The following TSC22D3 variants were observed in gnomAD, a reference collection of about 807,000 sequenced individuals.
The protein encoded by TSC22D3 is TSC22 domain family member 3.
Under a neutral mutation model 11.1 loss-of-function variants are expected in TSC22D3, and 4 were observed. The ratio of observed to expected loss-of-function variants is 0.36; its 90% confidence interval spans 0.18 to 0.83. The LOEUF (loss-of-function observed/expected upper bound fraction) is 0.83. Ranked by LOEUF, TSC22D3 falls within the 40% of genes least tolerant of loss-of-function variation. The pLI, the probability that TSC22D3 is intolerant of heterozygous loss-of-function variation, is 0.48. For missense variants in TSC22D3, 118 were observed against 159.4 expected, an observed-to-expected ratio of 0.74 and a Z score of 1.40; for synonymous variants, 77 against 70.3, an observed-to-expected ratio of 1.10 and a Z score of -0.48.
At chrX:107,757,646 C>G (rs975022287) in intron 1 of TSC22D3, among the ~76,000 whole-genome samples, 6 of 110,414 alleles carry the variant, frequency 5.4e-5, no homozygotes, top group African/African-American at 2.0e-4. Context: ...CACTCTCCCC[C>G]TCCCCTTCCC....
rs1404177826 is a variant in TSC22D3, at chrX:107,713,352, C to T, written c.*1167G>A. 1.8e-5 allele frequency: 2 copies of T among 112,288 alleles called. No homozygotes were observed. Among genetic ancestry groups the T allele is most frequent in the African/African-American group, 3.2e-5 (1 of 30,849 alleles). The allele number at this position is 112,288 out of a possible 1,213,427, so 9.3% of individuals were successfully genotyped here. ...GGAAAGTGTTCACTCTCACAAAACCCGCTACAGACAAGCTTTCTGGGCACA... is the reference window on the plus strand; with the variant it reads ...GGAAAGTGTTCACTCTCACAAAACCTGCTACAGACAAGCTTTCTGGGCACA... On this transcript the variant is annotated 3_prime_UTR_variant, in exon 3 of 3. Transcript: ENST00000372383.
intron 1 of TSC22D3, among the ~76,000 whole-genome samples, chrX:107,765,353 C>T (rs1929611466): frequency 8.9e-6 from 1 of 112,073 alleles, no homozygotes; most frequent in Admixed American, 9.4e-5. Flanking sequence ...GGCCTGAGGT[C>T]ACGCCAGTGC....
chrX:107,730,746 C>T (rs986714961), intron 1 of TSC22D3, among the ~76,000 whole-genome samples: 3 of 112,435 alleles, frequency 2.7e-5, no homozygotes, highest in Non-Finnish European at 5.6e-5. Context: ...TCACCAATCA[C>T]GGTCTGTGCA....
chrX:107,767,815 C>A (rs775099710), intron 1 of TSC22D3, among the ~76,000 whole-genome samples: 1 of 112,143 alleles, frequency 8.9e-6, no homozygotes, highest in Non-Finnish European at 1.9e-5. Context: ...ATGCCCTAAC[C>A]CTTGTCCCAT....
At chrX:107,755,025 G>T (rs754287636) in intron 1 of TSC22D3, among the ~76,000 whole-genome samples, 27 of 111,870 alleles carry the variant, frequency 2.4e-4, no homozygotes, top group Non-Finnish European at 4.7e-4. Context: ...AAGGGCAAAG[G>T]TTTTCATGCC....
At chrX:107,741,459 C>A (rs1320300480) in intron 1 of TSC22D3, among the ~76,000 whole-genome samples, 1 of 112,859 alleles carries the variant, frequency 8.9e-6, no homozygotes, top group Non-Finnish European at 1.9e-5. Context: ...AGAAATGAAT[C>A]CAAGTCATTA....
intron 1 of TSC22D3, among the ~76,000 whole-genome samples, chrX:107,740,119 G>A (rs986878832): frequency 4.5e-5 from 5 of 112,180 alleles, no homozygotes; most frequent in African/African-American, 1.6e-4. Flanking sequence ...GGCTCAGAGA[G>A]GCAAAGTAAC....
chrX:107,758,129 G>A lies in TSC22D3; in HGVS notation c.320+16971C>T, dbSNP rs187274316. ...AGCCAAGAAGAAGGAGGGCTAGCAG[G>A]GAGGGAGGAGACTGTGCAGTAGTGA... On this transcript the variant is annotated intron_variant, in intron 1 of 2. Coordinates refer to ENST00000372383, the MANE Select transcript of TSC22D3 (RefSeq NM_198057.3). Among the ~76,000 whole-genome samples the A allele has an allele frequency of 2.7e-5, 3 of 110,468 alleles. No individual in the cohort carries two copies. The East Asian group carries it at 8.6e-4, about 32-fold the overall frequency.
At chrX:107,741,709 G>A (rs1382061295) in intron 1 of TSC22D3, among the ~76,000 whole-genome samples, 5 of 111,887 alleles carry the variant, frequency 4.5e-5, no homozygotes, top group African/African-American at 6.5e-5. Flanking sequence ...TTGCAAGAAC[G>A]GCCTCCTCCA....
At chrX:107,720,016 G>A (rs774964894) in intron 1 of TSC22D3, among the ~76,000 whole-genome samples, 17 of 111,233 alleles carry the variant, frequency 1.5e-4, no homozygotes, top group Non-Finnish European at 2.6e-4. Context: ...GAACGTGTAG[G>A]AGAGTGTACA....
In TSC22D3 at chrX:107,714,536, C is replaced by G; in HGVS notation, c.586G>C (p.Gly196Arg). 1 of 1,211,425 alleles carries G rather than the reference C, an allele frequency of 8.3e-7. No homozygotes were observed. The highest frequency in any genetic ancestry group is 1.1e-6 in the Non-Finnish European group (1 of 895,136). ...PESPQVPEAP[G>R]GSAV ...AGAGCCACTTACACCGCAGAACCACCAGGGGCCTCGGGCACTTGTGGGGAT... is the reference window on the plus strand; with the variant it reads ...AGAGCCACTTACACCGCAGAACCACGAGGGGCCTCGGGCACTTGTGGGGAT... Residue 196 changes from glycine to arginine, a missense_variant, in exon 3 of 3, where the codon GGT (glycine) becomes CGT (arginine). Physicochemically the swap from Gly to Arg is moderately radical, Grantham distance 125 (BLOSUM62 -2). Transcript: ENST00000372383.
chrX:107,723,577 A>T (rs920413508), intron 1 of TSC22D3, among the ~76,000 whole-genome samples: 2 of 112,480 alleles, frequency 1.8e-5, no homozygotes, highest in African/African-American at 6.5e-5. Context: ...AGTGTCCTGC[A>T]GCCTTCCCAG....
chrX:107,756,188 AGTTACTTGTCTACC>A (rs1187055561), intron 1 of TSC22D3, among the ~76,000 whole-genome samples: 1 of 111,983 alleles, frequency 8.9e-6, no homozygotes, highest in African/African-American at 3.3e-5. Flanking sequence ...TCTTGACTCC[AGTTACTTGTCTACC>A]GTTACTTGTC....
chrX:107,725,336 G>C (rs748064993), intron 1 of TSC22D3, among the ~76,000 whole-genome samples: 1 of 112,486 alleles, frequency 8.9e-6, no homozygotes, highest in South Asian at 3.7e-4. Flanking sequence ...GGGCCTAAGG[G>C]AGATTGTGGA....
rs182347706 is a variant in TSC22D3 at position 107,764,553 on chromosome X, C to T, written c.320+10547G>A. Reference sequence around the variant, plus strand: ...AGGCTTCTTACCTTTCTCAACCTTACCCTGAGGCTTTCATTTATAGGGTAT... The same window carrying T: ...AGGCTTCTTACCTTTCTCAACCTTATCCTGAGGCTTTCATTTATAGGGTAT... On this transcript the variant is annotated intron_variant, in intron 1 of 2. Coordinates refer to ENST00000372383, the MANE Select transcript of TSC22D3 (RefSeq NM_198057.3). Among the ~76,000 whole-genome samples the T allele has an allele frequency of 3.7e-3, 419 of 111,912 alleles. 3 individuals carry two copies. Among genetic ancestry groups the T allele is most frequent in the African/African-American group, 0.013 (400 of 30,772 alleles).
intron 1 of TSC22D3, among the ~76,000 whole-genome samples, chrX:107,771,096 A>G (rs1407241384): frequency 1.8e-5 from 2 of 112,039 alleles, no homozygotes; most frequent in African/African-American, 6.5e-5. Context: ...CTGAGCTCAC[A>G]TTTACCTCTG....
intron 1 of TSC22D3, among the ~76,000 whole-genome samples, chrX:107,758,399 G>T (rs142183087): frequency 0.015 from 1,640 of 111,746 alleles, 24 homozygotes; most frequent in South Asian, 0.025. Context: ...ATCCAGAGAG[G>T]GATGACTGAT....
At chrX:107,754,698 C>T (rs1305636282) in intron 1 of TSC22D3, among the ~76,000 whole-genome samples, 1 of 112,074 alleles carries the variant, frequency 8.9e-6, no homozygotes, top group Non-Finnish European at 1.9e-5. Flanking sequence ...TCTTCCTTCT[C>T]TATTCCATGG....
At chrX:107,748,466 C>T (rs1452566030) in intron 1 of TSC22D3, among the ~76,000 whole-genome samples, 1 of 111,776 alleles carries the variant, frequency 8.9e-6, no homozygotes, top group Non-Finnish European at 1.9e-5. Context: ...AAATCGCTGC[C>T]TCCTTGGGTC....
Sources: allele counts gnomAD v4.1 joint callset (sites outside exome capture counted in the v4.1 genomes callset), GRCh38; gene constraint gnomAD v4.1.1; transcripts MANE v1.5; gene names NCBI Gene and HGNC (gene_info 2026-07-23, HGNC 2026-07-21).